SULT4A1: variants seen among roughly 807,000 people sequenced by gnomAD.
SULT4A1 encodes the protein sulfotransferase 4A1.
In SULT4A1, 11 loss-of-function variants were observed where a neutral mutation model predicts 35.2. The observed-to-expected ratio is 0.31, with a 90% CI of 0.20 to 0.52. The LOEUF (loss-of-function observed/expected upper bound fraction) is 0.52, where lower values mean the gene tolerates loss of function less well. SULT4A1 is among the 20% of genes least tolerant of loss of function. The pLI, the probability that SULT4A1 is intolerant of heterozygous loss-of-function variation, is 0.97. For missense variants in SULT4A1, 271 were observed against 383.7 expected, an observed-to-expected ratio of 0.71 and a Z score of 2.45; for synonymous variants, 152 against 151.8, an observed-to-expected ratio of 1.00 and a Z score of -0.01.
rs967899183 is a variant in SULT4A1, at chr22:43,853,832, C to T, written c.169+8382G>A. Among the ~76,000 whole-genome samples the T allele has an allele frequency of 7.2e-5, 11 of 152,336 alleles. No individual in the cohort carries two copies. In the East Asian group the frequency reaches 1.2e-3, roughly 16 times the overall value. ...GACAGAGCTGGCACAGCAAGCAGAGCGTGGCTCCACCCCAGGGAGAAGAGG... is the reference window on the plus strand; with the variant it reads ...GACAGAGCTGGCACAGCAAGCAGAGTGTGGCTCCACCCCAGGGAGAAGAGG... On this transcript the variant is annotated intron_variant, in intron 1 of 6. Coordinates refer to ENST00000330884, the MANE Select transcript of SULT4A1 (RefSeq NM_014351.4).
intron 4 of SULT4A1, among the ~76,000 whole-genome samples, chr22:43,838,151 G>T (rs2063392319): frequency 6.6e-6 from 1 of 152,238 alleles, no homozygotes; most frequent in Admixed American, 6.5e-5. Context: ...CACTCCCAAG[G>T]GAAAGGTGGC....
At chr22:43,828,868 C>G (rs749788987) in intron 6 of SULT4A1, 192 bp downstream of exon 6, 19 of 550,112 alleles carry the variant, frequency 3.5e-5, no homozygotes, top group Non-Finnish European at 5.4e-5. Flanking sequence ...GCAGGGTACT[C>G]CGTCACTCCA....
At chr22:43,856,369 A>G (rs1042907699) in intron 1 of SULT4A1, among the ~76,000 whole-genome samples, 9 of 152,148 alleles carry the variant, frequency 5.9e-5, no homozygotes, top group African/African-American at 2.2e-4. Flanking sequence ...AGAGATTCTC[A>G]GTGCTACAGA....
At chr22:43,839,031 T>C (rs1569503564) in intron 3 of SULT4A1, 38 bp from the exon 4 acceptor site, 1 of 1,608,036 alleles carries the variant, frequency 6.2e-7, no homozygotes, top group South Asian at 1.1e-5. Flanking sequence ...CGTGTCTCCT[T>C]CCCTCCCAGG....
intron 4 of SULT4A1, among the ~76,000 whole-genome samples, chr22:43,837,173 GCTCA>G (rs1488895809): frequency 3.3e-5 from 5 of 152,228 alleles, no homozygotes; most frequent in African/African-American, 7.2e-5. Context: ...GTATGTGCGT[GCTCA>G]CTGAGTGACA....
In SULT4A1 at chr22:43,841,936, G is replaced by A; in HGVS notation, c.170-4C>T. 1 of 1,612,580 alleles carries A rather than the reference G, an allele frequency of 6.2e-7. No individual in the cohort carries two copies. The highest frequency in any genetic ancestry group is 8.5e-7 in the Non-Finnish European group (1 of 1,179,140). On this transcript the variant is annotated splice_region_variant and splice_polypyrimidine_tract_variant and intron_variant, in intron 1 of 6. Transcript: ENST00000330884. Reference sequence around the variant, plus strand: ...ACCTCCTGCAGCAAGCTGGTGCCTGGAGGGGAGAAGCCCCAGCGCGGGGTG... The same window carrying A: ...ACCTCCTGCAGCAAGCTGGTGCCTGAAGGGGAGAAGCCCCAGCGCGGGGTG...
intron 4 of SULT4A1, among the ~76,000 whole-genome samples, chr22:43,836,402 T>TC (rs2063375363): frequency 7.4e-6 from 1 of 135,292 alleles, no homozygotes; most frequent in Non-Finnish European, 1.6e-5. Context: ...CACAGCGTCC[T>TC]CACACTGCAG....
rs948217837 is a variant in SULT4A1 at position 43,825,864 on chromosome 22, A to G, written c.*137T>C. 11 of 830,680 alleles carry G rather than the reference A, an allele frequency of 1.3e-5. No individual in the cohort carries two copies. The Admixed American group carries it at 1.5e-4, about 12-fold the overall frequency. The allele number at this position is 830,680 out of a possible 1,614,324, so 51.5% of individuals were successfully genotyped here. A position where few individuals can be genotyped will look rare whatever the true frequency, so the allele number is the denominator to read the frequency against. ...GGGAATCATCACACTCCCTCCGCTC[A>G]CGCCGCTCTTCCCTTCCCCCGCTGT... On this transcript the variant is annotated 3_prime_UTR_variant, in exon 7 of 7. Transcript: ENST00000330884.
At chr22:43,832,397 G>A (rs993911209) in intron 5 of SULT4A1, among the ~76,000 whole-genome samples, 6 of 152,128 alleles carry the variant, frequency 3.9e-5, no homozygotes, top group Non-Finnish European at 5.9e-5. Context: ...GACAGCATGC[G>A]CCAGCCGGCA....
chr22:43,839,471 G>A (rs2063407026), intron 3 of SULT4A1, among the ~76,000 whole-genome samples: 1 of 152,212 alleles, frequency 6.6e-6, no homozygotes, highest in South Asian at 2.1e-4. Flanking sequence ...GCACATGCCT[G>A]TAGTCCCAGC....
At chr22:43,845,396 T>C (rs138081) in intron 1 of SULT4A1, among the ~76,000 whole-genome samples, 35,896 of 152,134 alleles carry the variant, frequency 0.24, 4,470 homozygotes, top group African/African-American at 0.32. Flanking sequence ...CTCCGCAGCA[T>C]CCGCAGCCCG....
chr22:43,862,459 G>GCCCGCACCCCCA lies in SULT4A1; in HGVS notation c.-78_-77insTGGGGGTGCGGG. ...CGCCCGCGCCCGCGCCCGCGCCCGC[G>GCCCGCACCCCCA]CCCCGCACACGCTCGCGCCCCACCG... On this transcript the variant is annotated 5_prime_UTR_variant, in exon 1 of 7. Transcript: ENST00000330884. 1.2e-6 allele frequency: 1 copy of GCCCGCACCCCCA among 829,908 alleles called. No individual in the cohort carries two copies. Among genetic ancestry groups the GCCCGCACCCCCA allele is most frequent in the South Asian group, 5.8e-5 (1 of 17,320 alleles). 51.4% of individuals were successfully genotyped at this position (829,908 alleles called of 1,614,324 possible). A position where few individuals can be genotyped will look rare whatever the true frequency, so the allele number is the denominator to read the frequency against.
chr22:43,833,401 C>T (rs892603539), intron 5 of SULT4A1, among the ~76,000 whole-genome samples: 18 of 151,978 alleles, frequency 1.2e-4, no homozygotes, highest in Admixed American at 3.9e-4. Context: ...CCCACACCCG[C>T]CTTCCTGGGT....
intron 1 of SULT4A1, among the ~76,000 whole-genome samples, chr22:43,845,417 C>T (rs2063468099): frequency 1.3e-5 from 2 of 152,236 alleles, no homozygotes; most frequent in Non-Finnish European, 2.9e-5. Context: ...TCTCAGCAAG[C>T]AGCCCCTCCA....
At chr22:43,849,290 G>A (rs1402463661) in intron 1 of SULT4A1, among the ~76,000 whole-genome samples, 2 of 152,170 alleles carry the variant, frequency 1.3e-5, no homozygotes, top group African/African-American at 2.4e-5. Flanking sequence ...GGGACAGGGG[G>A]CAGGGAAAGA....
chr22:43,853,196 C>T (rs2049362134), intron 1 of SULT4A1, among the ~76,000 whole-genome samples: 4 of 151,914 alleles, frequency 2.6e-5, no homozygotes, highest in Admixed American at 6.6e-5. Flanking sequence ...TACACCCACA[C>T]ACACTACACA....
chr22:43,861,212 G>A (rs1271608285), intron 1 of SULT4A1, among the ~76,000 whole-genome samples: 1 of 152,116 alleles, frequency 6.6e-6, no homozygotes, highest in African/African-American at 2.4e-5. Flanking sequence ...CTGCCCTCAG[G>A]TGTCTGGAAC....
chr22:43,842,043 G>A (rs2148291019), intron 1 of SULT4A1, 111 bp from the exon 2 acceptor site: 2 of 1,450,828 alleles, frequency 1.4e-6, no homozygotes, highest in Admixed American at 2.5e-5. Context: ...CCCAGGTGGG[G>A]CCCAGGGCGA....
At chr22:43,837,014 C>T (rs1603405661) in intron 4 of SULT4A1, among the ~76,000 whole-genome samples, 1 of 152,280 alleles carries the variant, frequency 6.6e-6, no homozygotes, top group South Asian at 2.1e-4. Flanking sequence ...CAGGCTCACG[C>T]GTGGTTGTTT....
Sources: allele counts gnomAD v4.1 joint callset (sites outside exome capture counted in the v4.1 genomes callset), GRCh38; gene constraint gnomAD v4.1.1; transcripts MANE v1.5; gene names NCBI Gene and HGNC (gene_info 2026-07-23, HGNC 2026-07-21).